The following MAP3K4 variants were observed in gnomAD, a reference collection of about 807,000 sequenced individuals.
MAP3K4 encodes mitogen-activated protein kinase kinase kinase 4.
In MAP3K4, 67 loss-of-function variants were observed where a neutral mutation model predicts 185.6. The observed-to-expected ratio is 0.36, with a 90% confidence interval of 0.30 to 0.44. The LOEUF is 0.44. Ranked by LOEUF, MAP3K4 falls within the 20% of genes least tolerant of loss-of-function variation. The probability of loss-of-function intolerance (pLI) is 1.00; values close to 1 mark genes in which losing one functional copy is unlikely to be tolerated. For missense variants in MAP3K4, 1,551 were observed against 1,995.1 expected (o/e 0.78, Z 4.24); for synonymous variants, 702 against 710.4 (o/e 0.99, Z 0.19).
At chr6:161,039,061 C>T (rs146349722) in intron 2 of MAP3K4, among the ~76,000 whole-genome samples, 181 of 152,204 alleles carry the variant, frequency 1.2e-3, no homozygotes, top group African/African-American at 4.2e-3. Flanking sequence ...TTAGCTTCCG[C>T]GGTTGTGCAG....
chr6:161,012,888 A>T (rs892964628), intron 1 of MAP3K4, among the ~76,000 whole-genome samples: 6 of 152,150 alleles, frequency 3.9e-5, no homozygotes, highest in Admixed American at 3.3e-4. Flanking sequence ...AAATATTATA[A>T]CATCATTTAA....
At chr6:160,995,721 G>T (rs2115031375) in intron 1 of MAP3K4, among the ~76,000 whole-genome samples, 1 of 152,126 alleles carries the variant, frequency 6.6e-6, no homozygotes, top group South Asian at 2.1e-4. Flanking sequence ...AAGCTTCTGG[G>T]GCAGTTTTAG....
In MAP3K4 at chr6:161,034,262, A is replaced by T; in HGVS notation, c.156A>T (p.Gln52His). The T allele has an allele frequency of 6.2e-7, 1 of 1,612,664 alleles. No individual in the cohort carries two copies. Among genetic ancestry groups the T allele is most frequent in the Non-Finnish European group, 8.5e-7 (1 of 1,179,060 alleles). ...SEPECCLAAR[Q>H]EGTLGDSACK... ...CCCTGCACACTGTCTTTCATAGGCAAGAGGGCACATTGGGAGATTCAGCTT... is the reference window on the plus strand; with the variant it reads ...CCCTGCACACTGTCTTTCATAGGCATGAGGGCACATTGGGAGATTCAGCTT... Residue 52 changes from glutamine to histidine, a missense_variant, in exon 2 of 27, where the codon CAA becomes CAT. Coordinates refer to ENST00000392142, the MANE Select transcript of MAP3K4 (RefSeq NM_005922.4). This position sits in a 1 kb window ranked among gnomAD's most constrained non-coding sequence, Gnocchi z 4.4.
intron 1 of MAP3K4, among the ~76,000 whole-genome samples, chr6:161,010,070 C>A (rs907988127): frequency 6.6e-6 from 1 of 152,154 alleles, no homozygotes. Flanking sequence ...CATTTTAAAT[C>A]GTGAGGTTGA....
rs771872022 is a variant in MAP3K4 at position 161,073,442 on chromosome 6, G to T, written c.1951-24G>T. The T allele has an allele frequency of 5.6e-5, 87 of 1,551,680 alleles. No homozygotes were observed. Among genetic ancestry groups the T allele is most frequent in the Non-Finnish European group, 7.0e-5 (80 of 1,147,948 alleles). On this transcript the variant is annotated intron_variant, in intron 4 of 26. Transcript: ENST00000392142. The surrounding 1 kb of genome is among the most constrained non-coding windows in gnomAD (Gnocchi z 4.2). ...GTCTGGTTGGAGTTTATGGCTGCTG[G>T]AACCTGTGTGTGTTGTTTTGCAGCT...
chr6:161,091,271 T>G lies in MAP3K4; in HGVS notation c.2974-108T>G. ...TTCCTTTACCAAGTGGCTGAATTGT[T>G]TGTAGTGGTTAATGTCTGTGTGATG... On this transcript the variant is annotated intron_variant, in intron 11 of 26. Transcript: ENST00000392142. This position sits in a 1 kb window ranked among gnomAD's most constrained non-coding sequence, Gnocchi z 5.5. 3.8e-6 allele frequency: 3 copies of G among 785,948 alleles called. No homozygotes were observed. The highest frequency in any genetic ancestry group is 2.5e-5 in the South Asian group (1 of 40,796). The allele number at this position is 785,948 out of a possible 1,614,324, so 48.7% of individuals were successfully genotyped here. A position where few individuals can be genotyped will look rare whatever the true frequency, so the allele number is the denominator to read the frequency against.
rs1777707403 is a variant in MAP3K4, at chr6:161,098,920, A to G, written c.3674+493A>G. ...GGAAAAATGAGTTCATGGGGTTTGT[A>G]TGTCATATGGAGAACAGATCAGTAC... On this transcript the variant is annotated intron_variant, in intron 17 of 26. Coordinates refer to ENST00000392142, the MANE Select transcript of MAP3K4 (RefSeq NM_005922.4). The surrounding 1 kb of genome is among the most constrained non-coding windows in gnomAD (Gnocchi z 4.4). 6.6e-6 allele frequency among the ~76,000 whole-genome samples: 1 copy of G among 152,216 alleles called. No individual in the cohort carries two copies. Among genetic ancestry groups the G allele is most frequent in the African/African-American group, 2.4e-5 (1 of 41,458 alleles).
At chr6:161,025,368 G>A (rs928203103) in intron 1 of MAP3K4, among the ~76,000 whole-genome samples, 1 of 152,192 alleles carries the variant, frequency 6.6e-6, no homozygotes, top group Non-Finnish European at 1.5e-5. Context: ...AAAGGTGAGA[G>A]ATTTTTGTGC....
At chr6:161,027,837 T>TA (rs1271462842) in intron 1 of MAP3K4, among the ~76,000 whole-genome samples, 2 of 152,238 alleles carry the variant, frequency 1.3e-5, no homozygotes, top group South Asian at 2.1e-4. Context: ...TTCTGCTACT[T>TA]ACGGTGTTGG....
chr6:161,059,958 T>C (rs1784414853), intron 3 of MAP3K4, among the ~76,000 whole-genome samples: 1 of 152,148 alleles, frequency 6.6e-6, no homozygotes, highest in East Asian at 1.9e-4. Context: ...TGTTTCTATT[T>C]TCTGTGTCTT....
Position 161,048,528 on chromosome 6 carries a change from T to C in MAP3K4, c.344-88T>C, listed in dbSNP as rs2114759712. The C allele has an allele frequency of 1.2e-6, 1 of 831,986 alleles. No homozygotes were observed. Among genetic ancestry groups the C allele is most frequent in the Non-Finnish European group, 1.8e-6 (1 of 549,498 alleles). The allele number at this position is 831,986 out of a possible 1,614,324, so 51.5% of individuals were successfully genotyped here. A position where few individuals can be genotyped will look rare whatever the true frequency, so the allele number is the denominator to read the frequency against. ...CATTAGCAGTCTGAAAATATAAATA[T>C]GTGTGAATACCAGTTTTATTGAAAA... On this transcript the variant is annotated intron_variant, in intron 2 of 26. Coordinates refer to ENST00000392142, the MANE Select transcript of MAP3K4 (RefSeq NM_005922.4). This position sits in a 1 kb window ranked among gnomAD's most constrained non-coding sequence, Gnocchi z 4.7.
Position 160,991,920 on chromosome 6 carries a change from C to T in MAP3K4, c.-12C>T, listed in dbSNP as rs1333215261. ...TACTGCCCGCCGCGGCCATGCGGGGCTCCGTGCACGGATGAGAGAAGCCGC... is the reference window on the plus strand; with the variant it reads ...TACTGCCCGCCGCGGCCATGCGGGGTTCCGTGCACGGATGAGAGAAGCCGC... On this transcript the variant is annotated 5_prime_UTR_variant, in exon 1 of 27. Coordinates refer to ENST00000392142, the MANE Select transcript of MAP3K4 (RefSeq NM_005922.4). The surrounding 1 kb of genome is among the most constrained non-coding windows in gnomAD (Gnocchi z 5.7). 2 of 1,517,884 alleles carry T rather than the reference C, an allele frequency of 1.3e-6. No individual in the cohort carries two copies. The highest frequency in any genetic ancestry group is 4.0e-5 in the Admixed American group (2 of 49,840). The allele number at this position is 1,517,884 out of a possible 1,614,324, so 94.0% of individuals were successfully genotyped here.
intron 1 of MAP3K4, among the ~76,000 whole-genome samples, chr6:160,997,209 C>A (rs1213801967): frequency 6.6e-6 from 1 of 152,002 alleles, no homozygotes; most frequent in Non-Finnish European, 1.5e-5. Context: ...AGAGGATCAC[C>A]TTATTGTCTC....
In MAP3K4 at chr6:161,082,288, C is replaced by G. The variant is rs1190322320; in HGVS notation, c.2255+1250C>G. ...TTACTTTTCCATGATTCTGCTTTGC[C>G]TAATTCCTTCTGTTTGCATTTTCTG... On this transcript the variant is annotated intron_variant, in intron 6 of 26. Coordinates refer to ENST00000392142, the MANE Select transcript of MAP3K4 (RefSeq NM_005922.4). The surrounding 1 kb of genome is among the most constrained non-coding windows in gnomAD (Gnocchi z 4.2). 6.6e-6 allele frequency among the ~76,000 whole-genome samples: 1 copy of G among 152,034 alleles called. No individual in the cohort carries two copies. The highest frequency in any genetic ancestry group is 1.5e-5 in the Non-Finnish European group (1 of 68,018).
intron 1 of MAP3K4, among the ~76,000 whole-genome samples, chr6:161,006,783 A>G (rs1045933980): frequency 1.3e-5 from 2 of 152,138 alleles, no homozygotes; most frequent in African/African-American, 2.4e-5. Flanking sequence ...GAGAAAGCCT[A>G]TATATTCAAT....
intron 1 of MAP3K4, among the ~76,000 whole-genome samples, chr6:160,993,856 T>TGA (rs10672742): frequency 0.86 from 130,439 of 151,630 alleles, 56,377 homozygotes; most frequent in Admixed American, 0.9. Context: ...CAAGAAGATC[T>TGA]CAATATTTTT....
At position 161,109,789 on chromosome 6, in the gene MAP3K4, A is replaced by G; in HGVS notation, c.4271A>G (p.Glu1424Gly). The change falls in exon 23 of 27, where the codon GAG becomes GGG. Residue 1424 changes from glutamate (E) to glycine (G), a missense_variant. Physicochemically the swap from Glu to Gly is moderately conservative, Grantham distance 98 (BLOSUM62 -2). Coordinates refer to ENST00000392142, the MANE Select transcript of MAP3K4 (RefSeq NM_005922.4). This position sits in a 1 kb window ranked among gnomAD's most constrained non-coding sequence, Gnocchi z 5.7. ...TACATCTTCATGGAGTACTGCGATG[A>G]GGGGACTTTAGAAGAGGTGTCAAGG... Reference protein sequence around the residue: ...EMYIFMEYCDEGTLEEVSRLG... With the variant: ...EMYIFMEYCDGGTLEEVSRLG... 1.2e-6 allele frequency: 2 copies of G among 1,614,168 alleles called. No homozygotes were observed. Among genetic ancestry groups the G allele is most frequent in the Non-Finnish European group, 1.7e-6 (2 of 1,180,028 alleles).
intron 3 of MAP3K4, among the ~76,000 whole-genome samples, chr6:161,057,047 TTGTC>T (rs1398810856): frequency 2.6e-5 from 4 of 152,360 alleles, no homozygotes; most frequent in Admixed American, 1.3e-4. Context: ...AAATGTATAA[TTGTC>T]TGACTTTGTT....
In MAP3K4 at chr6:161,096,886, G is replaced by A. The variant is rs55644026; in HGVS notation, c.3428-194G>A. The A allele has an allele frequency of 8.8e-3, 4,481 of 508,824 alleles. 28 individuals carry two copies. Among genetic ancestry groups the A allele is most frequent in the South Asian group, 0.017 (491 of 29,252 alleles). 31.5% of individuals were successfully genotyped at this position (508,824 alleles called of 1,614,324 possible). A position where few individuals can be genotyped will look rare whatever the true frequency, so the allele number is the denominator to read the frequency against. ...GAGAAAACTGTTAATATATAATAGGGCTTTACTGACTTTTAAAAAGTGACA... is the reference window on the plus strand; with the variant it reads ...GAGAAAACTGTTAATATATAATAGGACTTTACTGACTTTTAAAAAGTGACA... On this transcript the variant is annotated intron_variant, in intron 15 of 26. Coordinates refer to ENST00000392142, the MANE Select transcript of MAP3K4 (RefSeq NM_005922.4). This position sits in a 1 kb window ranked among gnomAD's most constrained non-coding sequence, Gnocchi z 4.9.
Sources: gnomAD v4.1 joint callset for allele counts (sites outside exome capture counted in the v4.1 genomes callset) on GRCh38, gnomAD v4.1.1 for gene constraint, Gnocchi (gnomAD v3.1) non-coding constraint, MANE v1.5 for transcripts, NCBI Gene and HGNC (gene_info 2026-07-23, HGNC 2026-07-21) for gene names.